MYO1H: variants seen among roughly 807,000 people sequenced by gnomAD.
MYO1H encodes unconventional myosin-Ih.
MYO1H carries 118 observed loss-of-function variants against 149.3 expected under a neutral mutation model. That is an observed-to-expected ratio of 0.79 (90% CI 0.68 to 0.92). The LOEUF (loss-of-function observed/expected upper bound fraction) is 0.92. Ranked by LOEUF, MYO1H falls within the 40% of genes least tolerant of loss-of-function variation. The pLI is 0.00. For missense variants in MYO1H, 1,212 were observed against 1,280.7 expected (o/e 0.95, Z 0.82); for synonymous variants, 447 against 465.2 (o/e 0.96, Z 0.50).
intron 5 of MYO1H, among the ~76,000 whole-genome samples, chr12:109,399,857 G>C (rs1174205408): frequency 1.3e-5 from 2 of 152,134 alleles, no homozygotes; most frequent in African/African-American, 4.8e-5. Flanking sequence ...TGAGGTTATA[G>C]TGAGCCATGA....
chr12:109,436,734 G>C (rs902149455), intron 22 of MYO1H, among the ~76,000 whole-genome samples, 178 bp downstream of exon 22: 1 of 152,146 alleles, frequency 6.6e-6, no homozygotes, highest in Non-Finnish European at 1.5e-5. Flanking sequence ...TTATAACATA[G>C]TGGCCTGTAT....
chr12:109,353,118 G>T (rs1279130665), intron 1 of MYO1H, among the ~76,000 whole-genome samples: 2 of 152,072 alleles, frequency 1.3e-5, no homozygotes. Flanking sequence ...TTGTGAGGCT[G>T]GGCACAGTGG....
intron 2 of MYO1H, among the ~76,000 whole-genome samples, chr12:109,392,588 G>A (rs1375445916): frequency 6.6e-6 from 1 of 151,828 alleles, no homozygotes; most frequent in Non-Finnish European, 1.5e-5. Context: ...TGGGGGTGGT[G>A]GCGCATGCCT....
chr12:109,390,587 TA>T (rs1665402175), intron 2 of MYO1H, among the ~76,000 whole-genome samples: 1 of 152,030 alleles, frequency 6.6e-6, no homozygotes, highest in Non-Finnish European at 1.5e-5. Context: ...AATCTAGGAA[TA>T]TAAGTGCCAG....
intron 16 of MYO1H, among the ~76,000 whole-genome samples, chr12:109,421,248 G>A (rs1182079799): frequency 6.6e-6 from 1 of 152,046 alleles, no homozygotes; most frequent in Non-Finnish European, 1.5e-5. Context: ...ACCAGCTCTG[G>A]AGGTCATCAG....
intron 11 of MYO1H, 89 bp downstream of exon 11, chr12:109,409,713 T>A: frequency 9.1e-7 from 1 of 1,097,622 alleles, no homozygotes. Flanking sequence ...GTTACTAGAT[T>A]GATTTCCCTG....
chr12:109,373,501 T>C (rs891396294), intron 1 of MYO1H, among the ~76,000 whole-genome samples: 2 of 152,130 alleles, frequency 1.3e-5, no homozygotes, highest in African/African-American at 4.8e-5. Flanking sequence ...TATTAATAGG[T>C]TTTCTAATAT....
At chr12:109,427,517 T>A in exon 19 of MYO1H, 1 of 1,613,008 alleles carries the variant, frequency 6.2e-7, no homozygotes, top group African/African-American at 1.3e-5. Flanking sequence ...TACCTGGGGC[T>A]GATGGAGCAC....
exon 13 of MYO1H, chr12:109,410,744 A>G: frequency 6.3e-7 from 1 of 1,597,334 alleles, no homozygotes; most frequent in Non-Finnish European, 8.6e-7. Context: ...TAGAAGAGAG[A>G]CATAAAGGAA....
intron 1 of MYO1H, among the ~76,000 whole-genome samples, chr12:109,382,891 T>G (rs537007566): frequency 7.5e-4 from 111 of 147,834 alleles, no homozygotes; most frequent in African/African-American, 2.7e-3. Flanking sequence ...AAAATAATGA[T>G]ATATATAAAT....
At chr12:109,423,753 AT>A (rs1260545543) in intron 16 of MYO1H, among the ~76,000 whole-genome samples, 3 of 152,142 alleles carry the variant, frequency 2.0e-5, no homozygotes, top group Non-Finnish European at 4.4e-5. Context: ...CATAATACTT[AT>A]TTCACTTAGC....
intron 20 of MYO1H, among the ~76,000 whole-genome samples, chr12:109,433,440 A>G (rs1246886612): frequency 6.6e-6 from 1 of 152,238 alleles, no homozygotes; most frequent in Non-Finnish European, 1.5e-5. Flanking sequence ...AGTTGTAGTT[A>G]TCCATGAGCA....
At chr12:109,310,611 GTTTTT>G in the MYO1H span, among the ~76,000 whole-genome samples, 5 of 147,430 alleles carry the variant, frequency 3.4e-5, no homozygotes, top group Admixed American at 3.4e-4. Flanking sequence ...ACCTGTGACT[GTTTTT>G]TTTTTTTTAA....
chr12:109,388,559 C>T (rs1176350618), intron 1 of MYO1H, 124 bp from the exon 2 acceptor site: 15 of 818,206 alleles, frequency 1.8e-5, no homozygotes, highest in South Asian at 9.1e-5. Context: ...TAAGTGAAGA[C>T]GGCATAATTT....
In MYO1H at chr12:109,439,654, G is replaced by A. The variant is rs375026737; in HGVS notation, c.2318G>A (p.Arg773His). 4.6e-5 allele frequency: 74 copies of A among 1,612,706 alleles called. No individual in the cohort carries two copies. Among genetic ancestry groups the A allele is most frequent in the Non-Finnish European group, 6.0e-5 (71 of 1,179,308 alleles). Residue 773 changes from arginine to histidine, a missense_variant, in exon 24 of 32, where the codon CGC (arginine) becomes CAC (histidine). Arg to His is a conservative substitution (Grantham distance 29). Transcript: ENST00000310903. ...AGGTTCATTAAAGGATTCATCAGTC[G>A]CAACAAACCCCTCTGTCCTGACAAC...
chr12:109,331,146 C>A, the MYO1H span, among the ~76,000 whole-genome samples: 1 of 152,208 alleles, frequency 6.6e-6, no homozygotes, highest in African/African-American at 2.4e-5. Context: ...CCTGTTTTTT[C>A]ATCATTATCC....
At chr12:109,404,848 CTTTT>C (rs11286105) in intron 7 of MYO1H, among the ~76,000 whole-genome samples, 2 of 136,812 alleles carry the variant, frequency 1.5e-5, no homozygotes, top group African/African-American at 5.4e-5. Context: ...ATCTTTTTGT[CTTTT>C]TTTTTTTTTT....
chr12:109,371,867 G>A (rs148909528), intron 1 of MYO1H, among the ~76,000 whole-genome samples: 42 of 152,156 alleles, frequency 2.8e-4, no homozygotes, highest in African/African-American at 1.0e-3. Flanking sequence ...AATGAAAATC[G>A]TATCTCAGTA....
At chr12:109,359,663 A>G (rs1056722132) in intron 1 of MYO1H, among the ~76,000 whole-genome samples, 1 of 152,338 alleles carries the variant, frequency 6.6e-6, no homozygotes, top group Admixed American at 6.5e-5. Flanking sequence ...AAGGAAATGG[A>G]GGGCTATATG....
Sources: allele counts gnomAD v4.1 joint callset (sites outside exome capture counted in the v4.1 genomes callset), GRCh38; gene constraint gnomAD v4.1.1; transcripts MANE v1.5; gene names NCBI Gene and HGNC (gene_info 2026-07-23, HGNC 2026-07-21).